CIRSR: variants seen among roughly 807,000 people sequenced by gnomAD.
CIRSR encodes corepressor of RBPJ and splicing regulator.
At chr2:174,372,809 T>C in the CIRSR span, among the ~76,000 whole-genome samples, 1 of 152,292 alleles carries the variant, frequency 6.6e-6, no homozygotes, top group South Asian at 2.1e-4. Context: ...CTCAAACTCC[T>C]GACCTCAGAT....
At chr2:174,361,304 T>C in the CIRSR span, among the ~76,000 whole-genome samples, 1 of 152,224 alleles carries the variant, frequency 6.6e-6, no homozygotes, top group Non-Finnish European at 1.5e-5. Flanking sequence ...GTAGCTATCC[T>C]GGTAGGACTT....
the CIRSR span, among the ~76,000 whole-genome samples, chr2:174,362,411 T>C: frequency 6.6e-6 from 1 of 152,038 alleles, no homozygotes; most frequent in Non-Finnish European, 1.5e-5. Flanking sequence ...ATGAAATAAA[T>C]GTTAACAAAT....
At chr2:174,383,596 T>C in the CIRSR span, among the ~76,000 whole-genome samples, 4 of 151,404 alleles carry the variant, frequency 2.6e-5, no homozygotes, top group Non-Finnish European at 5.9e-5. Flanking sequence ...GGCAGGCACC[T>C]GTAGTCCCAG....
chr2:174,351,484 C>A, the CIRSR span: 1 of 570,808 alleles, frequency 1.8e-6, no homozygotes, highest in African/African-American at 1.9e-5. Context: ...AATCAAAACA[C>A]ATTTTGGGCA....
At chr2:174,365,151 C>T in the CIRSR span, among the ~76,000 whole-genome samples, 116 of 152,304 alleles carry the variant, frequency 7.6e-4, no homozygotes, top group African/African-American at 2.7e-3. Context: ...TCATCTCTCT[C>T]AAGTTCAAAC....
At chr2:174,395,672 A>G in the CIRSR span, 2 of 1,613,850 alleles carry the variant, frequency 1.2e-6, no homozygotes, top group South Asian at 1.1e-5. Flanking sequence ...TAGCAACGTA[A>G]ACAAACTCAG....
chr2:174,353,899 T>A, the CIRSR span, among the ~76,000 whole-genome samples: 2 of 152,152 alleles, frequency 1.3e-5, no homozygotes, highest in East Asian at 3.8e-4. Flanking sequence ...TGTCAACAAT[T>A]TTATTAGATA....
chr2:174,384,148 A>T, the CIRSR span, among the ~76,000 whole-genome samples: 1 of 152,366 alleles, frequency 6.6e-6, no homozygotes, highest in East Asian at 1.9e-4. Context: ...AGATGGATAA[A>T]CAAAATGTGG....
chr2:174,374,647 T>G, the CIRSR span, among the ~76,000 whole-genome samples: 1 of 152,222 alleles, frequency 6.6e-6, no homozygotes, highest in African/African-American at 2.4e-5. Context: ...GTTAGCTACG[T>G]ATGGAGCTAC....
chr2:174,387,430 G>A, the CIRSR span: 1 of 312,982 alleles, frequency 3.2e-6, no homozygotes, highest in Non-Finnish European at 5.8e-6. Flanking sequence ...GTTCTTCTAA[G>A]CTTTGCCTAA....
chr2:174,391,945 T>C, the CIRSR span, among the ~76,000 whole-genome samples: 1 of 152,164 alleles, frequency 6.6e-6, no homozygotes, highest in African/African-American at 2.4e-5. Context: ...AGTGCTTGCC[T>C]AGGGCTGGAG....
the CIRSR span, among the ~76,000 whole-genome samples, chr2:174,381,321 C>G: frequency 6.6e-6 from 1 of 152,134 alleles, no homozygotes; most frequent in Non-Finnish European, 1.5e-5. Context: ...TGTCATAGTA[C>G]TTTTCCATGT....
At chr2:174,349,174 TG>T in the CIRSR span, 1 of 1,382,206 alleles carries the variant, frequency 7.2e-7, no homozygotes. Context: ...TCTAATTTCC[TG>T]TAATTGGGAA....
At chr2:174,390,787 T>C in the CIRSR span, among the ~76,000 whole-genome samples, 2 of 152,208 alleles carry the variant, frequency 1.3e-5, no homozygotes, top group African/African-American at 4.8e-5. Context: ...GGAAATTTGA[T>C]GGATAAAACC....
chr2:174,385,654 C>T, the CIRSR span, among the ~76,000 whole-genome samples: 1 of 151,958 alleles, frequency 6.6e-6, no homozygotes, highest in Non-Finnish European at 1.5e-5. Context: ...AGGGTTGGTG[C>T]ATGTTAAATG....
the CIRSR span, among the ~76,000 whole-genome samples, chr2:174,373,464 T>C: frequency 6.6e-6 from 1 of 152,220 alleles, no homozygotes; most frequent in Admixed American, 6.5e-5. Context: ...AAGAATATCA[T>C]GTGACAGTCA....
the CIRSR span, among the ~76,000 whole-genome samples, chr2:174,374,411 T>C: frequency 1.3e-5 from 2 of 152,226 alleles, no homozygotes; most frequent in Non-Finnish European, 2.9e-5. Flanking sequence ...TATTTTGATG[T>C]GTCTGATTAG....
the CIRSR span, chr2:174,351,794 G>T: frequency 8.9e-7 from 1 of 1,124,784 alleles, no homozygotes; most frequent in Non-Finnish European, 1.3e-6. Flanking sequence ...TCCACAGTAG[G>T]AATGCAGTTG....
the CIRSR span, among the ~76,000 whole-genome samples, chr2:174,367,891 C>T: frequency 2.0e-5 from 3 of 150,814 alleles, no homozygotes; most frequent in Middle Eastern, 3.5e-3. Context: ...AAAGATATAC[C>T]ATGCTAACAC....
Sources: gnomAD v4.1 joint callset for allele counts (sites outside exome capture counted in the v4.1 genomes callset) on GRCh38, gnomAD v4.1.1 for gene constraint, MANE v1.5 for transcripts, NCBI Gene and HGNC (gene_info 2026-07-23, HGNC 2026-07-21) for gene names.